Variants in BRPF1 observed in about 807,000 individuals in gnomAD.
The protein encoded by BRPF1 is peregrin.
A neutral mutation model predicts 115.0 loss-of-function variants in BRPF1; 15 were observed. The ratio of observed to expected loss-of-function variants is 0.13; its 90% CI spans 0.09 to 0.20. BRPF1 has a LOEUF of 0.20. BRPF1 is among the 10% of genes least tolerant of loss of function. BRPF1 has a pLI of 1.00. For missense variants in BRPF1, 1,118 were observed against 1,638.3 expected, an observed-to-expected ratio of 0.68 and a Z score of 5.48; for synonymous variants, 647 against 619.8, an observed-to-expected ratio of 1.04 and a Z score of -0.65.
chr3:9,747,033 C>T lies in BRPF1; in HGVS notation c.3480-133C>T. The T allele has an allele frequency of 2.1e-6, 2 of 974,510 alleles. No homozygotes were observed. The allele number at this position is 974,510 out of a possible 1,614,324, so 60.4% of individuals were successfully genotyped here. ...CTTTCATCTCTAGACCATGAACAGT[C>T]CTTTGAGGGCAGGGACCATCACAGA... On this transcript the variant is annotated intron_variant, in intron 13 of 13. Transcript: ENST00000383829. This position sits in a 1 kb window ranked among gnomAD's most constrained non-coding sequence, Gnocchi z 5.6.
In BRPF1 at chr3:9,745,974, TAC is replaced by T; in HGVS notation, c.3324+46_3324+47del. 1 of 1,575,210 alleles carries T rather than the reference TAC, an allele frequency of 6.3e-7. No individual in the cohort carries two copies. Among genetic ancestry groups the T allele is most frequent in the East Asian group, 2.2e-5 (1 of 44,468 alleles). On this transcript the variant is annotated intron_variant, in intron 12 of 13. Coordinates refer to ENST00000383829, the MANE Select transcript of BRPF1 (RefSeq NM_001003694.2). The surrounding 1 kb of genome is among the most constrained non-coding windows in gnomAD (Gnocchi z 5.1). ...CACTTCTTGCTTTCCAATCCCAGAATACAGATTCACAGTTAGCAGACTTTTCC... is the reference window on the plus strand; with the variant it reads ...CACTTCTTGCTTTCCAATCCCAGAATAGATTCACAGTTAGCAGACTTTTCC...
chr3:9,747,317 G>C lies in BRPF1; in HGVS notation c.3631G>C (p.Glu1211Gln). 1.2e-6 allele frequency: 2 copies of C among 1,614,168 alleles called. No individual in the cohort carries two copies. The highest frequency in any genetic ancestry group is 2.7e-5 in the African/African-American group (2 of 75,058). Residue 1211 changes from glutamate (E) to glutamine (Q), a missense_variant, in exon 14 of 14, where the codon GAG (glutamate) becomes CAG (glutamine). Glu to Gln is a conservative substitution (Grantham distance 29). This residue lies in a region of BRPF1 where 76 missense variants were observed against 166.1 expected (regional missense o/e 0.46). Transcript: ENST00000383829. This position sits in a 1 kb window ranked among gnomAD's most constrained non-coding sequence, Gnocchi z 5.6. Reference sequence around the variant, plus strand: ...GCAGCACCGCAGCAAGGTGCAAGGCGAGCAGAGCAGTGAGACCAGCGATAG... The same window carrying C: ...GCAGCACCGCAGCAAGGTGCAAGGCCAGCAGAGCAGTGAGACCAGCGATAG... ...ALQHRSKVQGEQSSETSDSD is the reference protein window; with the variant it reads ...ALQHRSKVQGQQSSETSDSD
intron 2 of BRPF1, among the ~76,000 whole-genome samples, chr3:9,735,387 G>A (rs533065064): frequency 3.9e-5 from 6 of 152,306 alleles, no homozygotes; most frequent in African/African-American, 1.2e-4. Context: ...CTCCATAGCT[G>A]TACTGTTTCC....
Position 9,744,214 on chromosome 3 carries a change from T to A in BRPF1, c.2636-10T>A. 6.6e-7 allele frequency: 1 copy of A among 1,518,788 alleles called. No individual in the cohort carries two copies. Among genetic ancestry groups the A allele is most frequent in the Non-Finnish European group, 8.8e-7 (1 of 1,134,054 alleles). The allele number at this position is 1,518,788 out of a possible 1,614,324, so 94.1% of individuals were successfully genotyped here. A position where few individuals can be genotyped will look rare whatever the true frequency, so the allele number is the denominator to read the frequency against. On this transcript the variant is annotated splice_polypyrimidine_tract_variant and intron_variant, in intron 8 of 13. Coordinates refer to ENST00000383829, the MANE Select transcript of BRPF1 (RefSeq NM_001003694.2). ...CTCACCAACTCTCCTTCTTTCTTTCTCTGCTCCAGGCCTGGGTCCCAACAT... is the reference window on the plus strand; with the variant it reads ...CTCACCAACTCTCCTTCTTTCTTTCACTGCTCCAGGCCTGGGTCCCAACAT...
At position 9,745,716 on chromosome 3, in the gene BRPF1, TC is replaced by T; in HGVS notation, c.3205+10del. ...CGCGGCGTGGGCCACAGCAGTAAGT[TC>T]CCTTGCCCAAGGCCAGGGATGCTGG... On this transcript the variant is annotated splice_region_variant and intron_variant, in intron 11 of 13. Coordinates refer to ENST00000383829, the MANE Select transcript of BRPF1 (RefSeq NM_001003694.2). The surrounding 1 kb of genome is among the most constrained non-coding windows in gnomAD (Gnocchi z 5.1). 1 of 1,613,616 alleles carries T rather than the reference TC, an allele frequency of 6.2e-7. No individual in the cohort carries two copies. The highest frequency in any genetic ancestry group is 8.5e-7 in the Non-Finnish European group (1 of 1,179,540).
chr3:9,741,631 C>T (rs370834681), intron 5 of BRPF1, among the ~76,000 whole-genome samples, 192 bp downstream of exon 5: 1,795 of 119,050 alleles, frequency 0.015, 32 homozygotes, highest in African/African-American at 0.05. Context: ...AGCGAGACTC[C>T]GTCTCAAAAA....
chr3:9,732,415 G>C (rs536105337), intron 1 of BRPF1: 19 of 152,160 alleles, frequency 1.2e-4, no homozygotes, highest in African/African-American at 4.6e-4. Flanking sequence ...GGGCACTGCC[G>C]GGGCCCAGCC....
In BRPF1 at chr3:9,747,615, G is replaced by C. The variant is rs757236830; in HGVS notation, c.*266G>C. On this transcript the variant is annotated 3_prime_UTR_variant, in exon 14 of 14. Transcript: ENST00000383829. This position sits in a 1 kb window ranked among gnomAD's most constrained non-coding sequence, Gnocchi z 5.6. The stretch of plus-strand genomic sequence containing the variant: ...CAGAGACCTCACAGCATTGTAGGGC[G>C]GGGTGGTGGGCCAAAGTTAGGACAC... The C allele has an allele frequency of 1.9e-5, 7 of 368,742 alleles. No homozygotes were observed. The South Asian group carries it at 3.0e-4, about 16-fold the overall frequency. 22.8% of individuals were successfully genotyped at this position (368,742 alleles called of 1,614,324 possible).
In BRPF1 at chr3:9,747,531, C is replaced by A; in HGVS notation, c.*182C>A. On this transcript the variant is annotated 3_prime_UTR_variant, in exon 14 of 14. Transcript: ENST00000383829. This position sits in a 1 kb window ranked among gnomAD's most constrained non-coding sequence, Gnocchi z 5.6. The stretch of plus-strand genomic sequence containing the variant: ...TGCAGCTGGACTGTACAGAACACTC[C>A]AAGGGCCAATGGCAGTTCAGCGCAA... 1 of 612,990 alleles carries A rather than the reference C, an allele frequency of 1.6e-6. No homozygotes were observed. The highest frequency in any genetic ancestry group is 2.7e-6 in the Non-Finnish European group (1 of 368,556). 38.0% of individuals were successfully genotyped at this position (612,990 alleles called of 1,614,324 possible). A position where few individuals can be genotyped will look rare whatever the true frequency, so the allele number is the denominator to read the frequency against.
intron 2 of BRPF1, among the ~76,000 whole-genome samples, chr3:9,737,692 T>C (rs956278362): frequency 6.6e-6 from 1 of 152,208 alleles, no homozygotes; most frequent in Non-Finnish European, 1.5e-5. Flanking sequence ...AAAAGATAAA[T>C]GTACATATTT....
At position 9,745,539 on chromosome 3, in the gene BRPF1, CCTT is replaced by C; in HGVS notation, c.3069-33_3069-31del. 6.2e-7 allele frequency: 1 copy of C among 1,609,144 alleles called. No homozygotes were observed. The highest frequency in any genetic ancestry group is 1.1e-5 in the South Asian group (1 of 90,954). ...CCATGCTGTTCCCCATTCTTCCCCTCCTTTGAGCTGAGCTCCCATTGTCTTGTC... is the reference window on the plus strand; with the variant it reads ...CCATGCTGTTCCCCATTCTTCCCCTCTGAGCTGAGCTCCCATTGTCTTGTC... On this transcript the variant is annotated intron_variant, in intron 10 of 13. Transcript: ENST00000383829. This position sits in a 1 kb window ranked among gnomAD's most constrained non-coding sequence, Gnocchi z 5.1.
At chr3:9,738,593 A>C (rs1414430580) in intron 2 of BRPF1, among the ~76,000 whole-genome samples, 1 of 152,170 alleles carries the variant, frequency 6.6e-6, no homozygotes, top group East Asian at 1.9e-4. Flanking sequence ...TTCTTCCCCG[A>C]TTCTTCGTAC....
At chr3:9,738,511 C>G (rs1331109914) in intron 2 of BRPF1, among the ~76,000 whole-genome samples, 1 of 152,212 alleles carries the variant, frequency 6.6e-6, no homozygotes, top group Non-Finnish European at 1.5e-5. Context: ...CATGGCAGCT[C>G]TAGTCGAGGC....
chr3:9,739,548 G>A lies in BRPF1; in HGVS notation c.1149G>A (p.Lys383=). 6 of 1,613,174 alleles carry A rather than the reference G, an allele frequency of 3.7e-6. No homozygotes were observed. The highest frequency in any genetic ancestry group is 5.1e-6 in the Non-Finnish European group (6 of 1,179,218). ...SIEHIPPARW[K]LTCYICKQRG... ...AGCACATCCCACCAGCTCGCTGGAA[G>A]CTCACCTGCTACATTTGCAAACAAC... Residue 383 remains lysine, a synonymous_variant, in exon 3 of 14, where the codon AAG becomes AAA. Transcript: ENST00000383829.
At position 9,745,091 on chromosome 3, in the gene BRPF1, C is replaced by T. The variant is rs749446154; in HGVS notation, c.3004C>T (p.Arg1002Trp). 1.9e-6 allele frequency: 3 copies of T among 1,614,230 alleles called. No homozygotes were observed. The highest frequency in any genetic ancestry group is 2.5e-6 in the Non-Finnish European group (3 of 1,180,044). The change falls in exon 10 of 14, where the codon CGG (arginine) becomes TGG (tryptophan). Residue 1002 changes from arginine to tryptophan, a missense_variant. Coordinates refer to ENST00000383829, the MANE Select transcript of BRPF1 (RefSeq NM_001003694.2). The surrounding 1 kb of genome is among the most constrained non-coding windows in gnomAD (Gnocchi z 5.1). Reference protein sequence around the residue: ...LVYRNDCSLPRSSSDSESSSS... With the variant: ...LVYRNDCSLPWSSSDSESSSS... ...ATACCGTAATGACTGCAGCCTTCCC[C>T]GGAGCAGCTCAGACTCTGAGTCCAG...
intron 2 of BRPF1, among the ~76,000 whole-genome samples, chr3:9,736,855 G>A (rs190353300): frequency 2.6e-5 from 4 of 152,316 alleles, no homozygotes; most frequent in African/African-American, 9.6e-5. Context: ...GCTTCCTTGA[G>A]GGGGAGAGAG....
chr3:9,734,761 A>G lies in BRPF1; in HGVS notation c.599+22A>G. 1 of 1,610,876 alleles carries G rather than the reference A, an allele frequency of 6.2e-7. No homozygotes were observed. Among genetic ancestry groups the G allele is most frequent in the East Asian group, 2.2e-5 (1 of 44,790 alleles). ...ACCGGTAAGGCCACCTCTACCTTGC[A>G]GCTCTGGAAAACTGGTCAAGCAGGG... On this transcript the variant is annotated intron_variant, in intron 2 of 13. Transcript: ENST00000383829. This position sits in a 1 kb window ranked among gnomAD's most constrained non-coding sequence, Gnocchi z 5.7.
chr3:9,743,061 G>A lies in BRPF1; in HGVS notation c.2119G>A (p.Val707Ile), dbSNP rs377369442. 8.1e-6 allele frequency: 13 copies of A among 1,614,192 alleles called. No homozygotes were observed. In the East Asian group the frequency reaches 1.3e-4, roughly 17 times the overall value. Reference protein sequence around the residue: ...DDFEEDFNLIVSNCLKYNAKD... With the variant: ...DDFEEDFNLIISNCLKYNAKD... Reference sequence around the variant, plus strand: ...TTTTGAGGAGGACTTCAACCTCATCGTCAGCAACTGCCTCAAGTATAACGC... The same window carrying A: ...TTTTGAGGAGGACTTCAACCTCATCATCAGCAACTGCCTCAAGTATAACGC... The change falls in exon 7 of 14, where the codon GTC becomes ATC. Residue 707 changes from valine to isoleucine, a missense_variant. Physicochemically the swap from Val to Ile is conservative, Grantham distance 29 (BLOSUM62 3). Transcript: ENST00000383829. The surrounding 1 kb of genome is among the most constrained non-coding windows in gnomAD (Gnocchi z 6.1).
chr3:9,745,635 A>G lies in BRPF1; in HGVS notation c.3131A>G (p.Asp1044Gly), dbSNP rs2077111020. The G allele has an allele frequency of 6.2e-7, 1 of 1,614,086 alleles. No individual in the cohort carries two copies. The highest frequency in any genetic ancestry group is 1.3e-5 in the African/African-American group (1 of 74,946). Residue 1044 changes from aspartate to glycine, a missense_variant, in exon 11 of 14, where the codon GAC becomes GGC. By Grantham distance (94) the Asp-to-Gly change is moderately conservative. Around this residue, in one of 10 missense-constraint regions of BRPF1, gnomAD observed 100 missense variants for 109.9 expected, o/e 0.91. Transcript: ENST00000383829. The surrounding 1 kb of genome is among the most constrained non-coding windows in gnomAD (Gnocchi z 5.1). ...PSFSRGTFPEDSSEDTSGTEN... is the reference protein window; with the variant it reads ...PSFSRGTFPEGSSEDTSGTEN... ...TTCTCTCGGGGCACTTTCCCAGAGG[A>G]CAGCAGTGAGGATACCTCAGGCACT...
Sources: gnomAD v4.1 joint callset for allele counts (sites outside exome capture counted in the v4.1 genomes callset) on GRCh38, gnomAD v4.1.1 for gene constraint, gnomAD v4.1.1 regional missense constraint, Gnocchi (gnomAD v3.1) non-coding constraint, MANE v1.5 for transcripts, NCBI Gene and HGNC (gene_info 2026-07-23, HGNC 2026-07-21) for gene names.